Variants in SLC67A2 observed in about 807,000 individuals in gnomAD.
The protein encoded by SLC67A2 is solute carrier family 67 member A2.
chr2:102,718,535 C>G, the SLC67A2 span: 2 of 1,606,576 alleles, frequency 1.2e-6, no homozygotes, highest in South Asian at 1.1e-5. Context: ...GCCGCAAGGG[C>G]TGACCTCCTG....
chr2:102,730,961 G>T, the SLC67A2 span: 2 of 1,412,912 alleles, frequency 1.4e-6, no homozygotes, highest in Non-Finnish European at 2.0e-6. Flanking sequence ...ATCACTTTTT[G>T]ATAAACTTCA....
chr2:102,735,846 G>GCACACACACACACA, the SLC67A2 span, among the ~76,000 whole-genome samples: 5 of 149,594 alleles, frequency 3.3e-5, no homozygotes, highest in African/African-American at 1.2e-4. Flanking sequence ...ACGCGCGCGC[G>GCACACACACACACA]CACACACACA....
At chr2:102,721,953 G>T in the SLC67A2 span, among the ~76,000 whole-genome samples, 1 of 152,118 alleles carries the variant, frequency 6.6e-6, no homozygotes, top group Non-Finnish European at 1.5e-5. Context: ...CAATCCTCGC[G>T]CTTCAGCCTC....
chr2:102,726,849 C>T, the SLC67A2 span: 36 of 1,582,428 alleles, frequency 2.3e-5, no homozygotes, highest in Admixed American at 3.9e-5. Flanking sequence ...ACTCACCTGC[C>T]GGGACTCTAG....
At chr2:102,720,881 G>A in the SLC67A2 span, among the ~76,000 whole-genome samples, 1 of 152,200 alleles carries the variant, frequency 6.6e-6, no homozygotes, top group Non-Finnish European at 1.5e-5. Context: ...AGGGGTAAAG[G>A]ATGGCAAGAC....
the SLC67A2 span, chr2:102,736,797 C>A: frequency 4.7e-4 from 752 of 1,610,366 alleles, no homozygotes; most frequent in Non-Finnish European, 5.9e-4. Context: ...GTCCCAGTGA[C>A]CCCCAAGCTC....
the SLC67A2 span, chr2:102,736,867 C>T: frequency 1.3e-6 from 2 of 1,505,814 alleles, no homozygotes; most frequent in African/African-American, 1.4e-5. Flanking sequence ...CCCGGGAGCC[C>T]AGCCCCGCCC....
At chr2:102,721,658 T>C in the SLC67A2 span, among the ~76,000 whole-genome samples, 1 of 57,804 alleles carries the variant, frequency 1.7e-5, no homozygotes, top group East Asian at 1.0e-3. Flanking sequence ...CTCATAGTCC[T>C]GTGTGTGTGT....
chr2:102,716,843 T>A, the SLC67A2 span: 1 of 152,304 alleles, frequency 6.6e-6, no homozygotes, highest in East Asian at 1.9e-4. Context: ...CTTGATGCAA[T>A]CCCAATGGTC....
At chr2:102,732,872 G>A in the SLC67A2 span, among the ~76,000 whole-genome samples, 2 of 152,194 alleles carry the variant, frequency 1.3e-5, no homozygotes, top group Non-Finnish European at 2.9e-5. Flanking sequence ...GGTGCACTAG[G>A]GAAAGGCCAG....
chr2:102,721,321 T>A, the SLC67A2 span, among the ~76,000 whole-genome samples: 32 of 152,308 alleles, frequency 2.1e-4, no homozygotes, highest in East Asian at 5.8e-3. Context: ...TCTAGGTTTA[T>A]GTGCACCCCT....
chr2:102,731,886 G>A, the SLC67A2 span: 5 of 305,366 alleles, frequency 1.6e-5, no homozygotes, highest in Admixed American at 4.8e-5. Flanking sequence ...TGTTGGTGAC[G>A]GTGTGAGAAG....
the SLC67A2 span, chr2:102,726,992 A>G: frequency 6.2e-7 from 1 of 1,611,064 alleles, no homozygotes; most frequent in Non-Finnish European, 8.5e-7. Context: ...AAGTAAGAAA[A>G]AGCCCTTGGA....
the SLC67A2 span, among the ~76,000 whole-genome samples, chr2:102,715,293 G>A: frequency 1.8e-4 from 28 of 152,138 alleles, no homozygotes; most frequent in Non-Finnish European, 3.4e-4. Context: ...CATGGCAGCC[G>A]AATCCATTCT....
At chr2:102,731,694 A>T in the SLC67A2 span, among the ~76,000 whole-genome samples, 2 of 152,186 alleles carry the variant, frequency 1.3e-5, no homozygotes, top group African/African-American at 4.8e-5. Context: ...ATTATGTACA[A>T]GACTGTCCAC....
At chr2:102,723,835 C>T in the SLC67A2 span, 2 of 1,614,102 alleles carry the variant, frequency 1.2e-6, no homozygotes, top group African/African-American at 2.7e-5. Context: ...TGTCCGATTA[C>T]AAGCGGCCGT....
At chr2:102,726,046 C>T in the SLC67A2 span, among the ~76,000 whole-genome samples, 9 of 152,132 alleles carry the variant, frequency 5.9e-5, no homozygotes, top group Non-Finnish European at 1.2e-4. Context: ...AGCGCTACGC[C>T]GCATTCACAG....
the SLC67A2 span, chr2:102,718,873 G>C: frequency 6.2e-7 from 1 of 1,614,128 alleles, no homozygotes; most frequent in Non-Finnish European, 8.5e-7. Flanking sequence ...TGTAACTGAT[G>C]AGGTAGCCTG....
At chr2:102,726,327 C>A in the SLC67A2 span, among the ~76,000 whole-genome samples, 1 of 152,192 alleles carries the variant, frequency 6.6e-6, no homozygotes, top group Non-Finnish European at 1.5e-5. Flanking sequence ...CAAATTCTTA[C>A]TGAATGATGT....
Sources: gnomAD v4.1 joint callset for allele counts (sites outside exome capture counted in the v4.1 genomes callset) on GRCh38, gnomAD v4.1.1 for gene constraint, MANE v1.5 for transcripts, NCBI Gene and HGNC (gene_info 2026-07-23, HGNC 2026-07-21) for gene names.